The following USP46 variants were observed in gnomAD, a reference collection of about 807,000 sequenced individuals.
USP46 encodes the protein ubiquitin carboxyl-terminal hydrolase 46.
In USP46, 12 loss-of-function variants were observed where a neutral mutation model predicts 44.4. The observed-to-expected ratio is 0.27, with a 90% CI of 0.17 to 0.44. The LOEUF (loss-of-function observed/expected upper bound fraction) is 0.44, where lower values mean the gene tolerates loss of function less well. Among genes scored for constraint, USP46 ranks in the 20% least tolerant of loss-of-function variants. USP46 has a pLI of 1.00. For synonymous variants in USP46, 155 were observed against 161.5 expected, an observed-to-expected ratio of 0.96 and a Z score of 0.31; for missense variants, 248 against 444.8, an observed-to-expected ratio of 0.56 and a Z score of 3.98.
chr4:52,652,619 A>C (rs1294235712), intron 1 of USP46, among the ~76,000 whole-genome samples: 3 of 152,270 alleles, frequency 2.0e-5, no homozygotes, highest in Admixed American at 6.5e-5. Flanking sequence ...TTTAAACAAT[A>C]AAAGCAAACT....
chr4:52,635,926 T>A (rs1434671261), intron 1 of USP46, among the ~76,000 whole-genome samples: 2 of 152,168 alleles, frequency 1.3e-5, no homozygotes, highest in Non-Finnish European at 2.9e-5. Flanking sequence ...AGTTGAGTGA[T>A]GGGTGTGTAG....
intron 1 of USP46, among the ~76,000 whole-genome samples, chr4:52,636,261 G>A (rs935681413): frequency 3.3e-5 from 5 of 152,068 alleles, no homozygotes; most frequent in African/African-American, 1.2e-4. Context: ...AAGCAAGGTA[G>A]GCAGCCTTTG....
In USP46 at chr4:52,596,972, C is replaced by G. The variant is rs192796391; in HGVS notation, c.*668G>C. 2.0e-5 allele frequency: 3 copies of G among 152,672 alleles called. No individual in the cohort carries two copies. The East Asian group carries it at 5.8e-4, about 30-fold the overall frequency. 9.5% of individuals were successfully genotyped at this position (152,672 alleles called of 1,614,324 possible). A position where few individuals can be genotyped will look rare whatever the true frequency, so the allele number is the denominator to read the frequency against. On this transcript the variant is annotated 3_prime_UTR_variant, in exon 9 of 9. Coordinates refer to ENST00000441222, the MANE Select transcript of USP46 (RefSeq NM_022832.4). The stretch of plus-strand genomic sequence containing the variant: ...ACTTCCTCCTCTTGACTTTGTCTGC[C>G]CTGAGCCTTCTTAGCCCCTGGAATT...
rs78925433 is a variant in USP46 at position 52,619,079 on chromosome 4, C to G, written c.561+6939G>C. On this transcript the variant is annotated intron_variant, in intron 4 of 8. Transcript: ENST00000441222. ...AACTGGGCTAACAAATCTTACGAAC[C>G]AAACAAAAGAATAACCAAGGGAGCA... Among the ~76,000 whole-genome samples the G allele has an allele frequency of 6.6e-3, 1,002 of 152,086 alleles. 8 individuals carry two copies. The highest frequency in any genetic ancestry group is 0.017 in the Middle Eastern group (5 of 292).
At chr4:52,625,676 C>G (rs1182049956) in intron 4 of USP46, among the ~76,000 whole-genome samples, 1 of 152,136 alleles carries the variant, frequency 6.6e-6, no homozygotes, top group African/African-American at 2.4e-5. Flanking sequence ...TGGTCCTGTT[C>G]TACATCACAC....
rs139088506 is a variant in USP46 at position 52,600,021 on chromosome 4, C to T, written c.921-1315G>A. On this transcript the variant is annotated intron_variant, in intron 7 of 8. Coordinates refer to ENST00000441222, the MANE Select transcript of USP46 (RefSeq NM_022832.4). ...CCAACTCACCTGAAGATGTATCTCC[C>T]ATCACTCACTCCCTCATCTCCCTGC... 7.8e-3 allele frequency among the ~76,000 whole-genome samples: 1,189 copies of T among 152,304 alleles called. 13 individuals carry two copies. Among genetic ancestry groups the T allele is most frequent in the African/African-American group, 0.027 (1,137 of 41,550 alleles).
chr4:52,617,080 C>A (rs1717182334), intron 4 of USP46, among the ~76,000 whole-genome samples: 2 of 152,118 alleles, frequency 1.3e-5, no homozygotes, highest in Admixed American at 1.3e-4. Flanking sequence ...TAATTCCCAG[C>A]ATTTAATAGG....
At chr4:52,622,700 A>T (rs1468888107) in intron 4 of USP46, among the ~76,000 whole-genome samples, 1 of 152,220 alleles carries the variant, frequency 6.6e-6, no homozygotes, top group African/African-American at 2.4e-5. Flanking sequence ...CTATTGTAAG[A>T]TGATACAAGG....
intron 4 of USP46, 72 bp from the exon 5 acceptor site, chr4:52,610,689 TAATCACCGACTGC>T: frequency 7.1e-7 from 1 of 1,410,046 alleles, no homozygotes. Flanking sequence ...CATGTATAGG[TAATCACCGACTGC>T]AATAAAAACC....
chr4:52,642,014 C>G (rs1477366260), intron 1 of USP46, among the ~76,000 whole-genome samples: 1 of 152,140 alleles, frequency 6.6e-6, no homozygotes, highest in African/African-American at 2.4e-5. Context: ...AAGTACAAAG[C>G]ACATAAAGGA....
At chr4:52,618,497 A>G (rs1439510951) in intron 4 of USP46, among the ~76,000 whole-genome samples, 1 of 151,800 alleles carries the variant, frequency 6.6e-6, no homozygotes, top group East Asian at 1.9e-4. Context: ...CTAAAAAAAA[A>G]ATCTTATTGA....
chr4:52,610,446 G>T, intron 5 of USP46, 95 bp downstream of exon 5: 1 of 1,089,620 alleles, frequency 9.2e-7, no homozygotes. Flanking sequence ...TGGTTTAACA[G>T]AAGGGAAGAT....
intron 1 of USP46, among the ~76,000 whole-genome samples, chr4:52,634,567 G>A (rs1398114626): frequency 2.6e-5 from 4 of 150,954 alleles, no homozygotes; most frequent in African/African-American, 4.9e-5. Flanking sequence ...TGGGATTACA[G>A]GCATTCGCCA....
At chr4:52,615,573 T>C (rs1242492533) in intron 4 of USP46, among the ~76,000 whole-genome samples, 1 of 152,196 alleles carries the variant, frequency 6.6e-6, no homozygotes, top group Non-Finnish European at 1.5e-5. Context: ...TCCTGATACA[T>C]GCTACACCAC....
At chr4:52,649,246 T>C (rs764550622) in intron 1 of USP46, among the ~76,000 whole-genome samples, 17 of 152,144 alleles carry the variant, frequency 1.1e-4, no homozygotes, top group Non-Finnish European at 4.4e-5. Context: ...AGAAGGAAAA[T>C]AATGATGAAC....
intron 1 of USP46, chr4:52,651,126 A>G (rs1718755335): frequency 1.3e-5 from 2 of 151,978 alleles, no homozygotes; most frequent in Admixed American, 6.6e-5. Context: ...AAGAGAAAAA[A>G]GAACAGAAAA....
intron 1 of USP46, among the ~76,000 whole-genome samples, chr4:52,641,784 T>C (rs1033888007): frequency 6.6e-6 from 1 of 152,212 alleles, no homozygotes; most frequent in Admixed American, 6.5e-5. Flanking sequence ...CTCATTTATC[T>C]GCATCCTAGG....
At chr4:52,603,727 CAGGCTGG>C (rs1716568013) in intron 6 of USP46, among the ~76,000 whole-genome samples, 1 of 152,096 alleles carries the variant, frequency 6.6e-6, no homozygotes, top group African/African-American at 2.4e-5. Flanking sequence ...CTCTGTCACC[CAGGCTGG>C]AGTGCAGTAG....
intron 1 of USP46, among the ~76,000 whole-genome samples, chr4:52,650,562 T>C (rs953678837): frequency 1.3e-5 from 2 of 152,228 alleles, no homozygotes; most frequent in Non-Finnish European, 2.9e-5. Context: ...TTTACAGTAA[T>C]ATGTCTAAAA....
Sources: gnomAD v4.1 joint callset for allele counts (sites outside exome capture counted in the v4.1 genomes callset) on GRCh38, gnomAD v4.1.1 for gene constraint, MANE v1.5 for transcripts, NCBI Gene and HGNC (gene_info 2026-07-23, HGNC 2026-07-21) for gene names.